Variants in DIAPH2 observed in about 807,000 individuals in gnomAD.
DIAPH2 encodes the protein diaphanous related formin 2.
In DIAPH2, 35 loss-of-function variants were observed where a neutral mutation model predicts 92.7. The observed-to-expected ratio is 0.38, with a 90% confidence interval of 0.29 to 0.50. The LOEUF is 0.50. Ranked by LOEUF, DIAPH2 falls within the 20% of genes least tolerant of loss-of-function variation. The pLI is 0.94. For missense variants in DIAPH2, 701 were observed against 819.5 expected, an observed-to-expected ratio of 0.86 and a Z score of 1.77; for synonymous variants, 301 against 280.4, an observed-to-expected ratio of 1.07 and a Z score of -0.73.
chrX:97,292,770 C>T (rs745367510), intron 23 of DIAPH2, among the ~76,000 whole-genome samples: 42 of 111,247 alleles, frequency 3.8e-4, no homozygotes, highest in African/African-American at 1.3e-3. Context: ...CACTCAAGAG[C>T]ATGTCTACTA....
In DIAPH2 at chrX:96,973,371, A is replaced by T. The variant is rs112980276; in HGVS notation, c.2050+8164A>T. 1.9e-3 allele frequency among the ~76,000 whole-genome samples: 205 copies of T among 110,810 alleles called. 4 individuals carry two copies. The highest frequency in any genetic ancestry group is 5.7e-4 in the Non-Finnish European group (30 of 52,972). ...AAATTAACTGGGTGTGGTGATATGC[A>T]CCTGGAGTCCCAGTTACTTGAGAGA... On this transcript the variant is annotated intron_variant, in intron 17 of 26. Coordinates refer to ENST00000324765, the MANE Select transcript of DIAPH2 (RefSeq NM_006729.5).
chrX:96,852,770 A>G (rs2065014081), intron 4 of DIAPH2, among the ~76,000 whole-genome samples: 1 of 112,053 alleles, frequency 8.9e-6, no homozygotes, highest in Non-Finnish European at 1.9e-5. Flanking sequence ...AATTTCTGAT[A>G]TAGCTTGTAA....
At chrX:97,360,323 A>G (rs758789807) in intron 24 of DIAPH2, among the ~76,000 whole-genome samples, 7 of 111,273 alleles carry the variant, frequency 6.3e-5, no homozygotes, top group Non-Finnish European at 1.1e-4. Flanking sequence ...AGCAGTAATT[A>G]ACAAAACAGT....
chrX:96,888,592 C>CAGATAT (rs1204947111), intron 5 of DIAPH2, among the ~76,000 whole-genome samples: 3 of 42,615 alleles, frequency 7.0e-5, no homozygotes, highest in South Asian at 1.5e-3. Flanking sequence ...TATATATATA[C>CAGATAT]AGATATATAT....
At chrX:96,837,296 G>T (rs2064901466) in intron 4 of DIAPH2, among the ~76,000 whole-genome samples, 1 of 110,406 alleles carries the variant, frequency 9.1e-6, no homozygotes, top group Admixed American at 9.7e-5. Flanking sequence ...GAGCTTCATG[G>T]ATGAATGAGT....
chrX:96,940,226 C>T (rs753728292), intron 12 of DIAPH2, among the ~76,000 whole-genome samples: 63 of 111,762 alleles, frequency 5.6e-4, no homozygotes, highest in African/African-American at 1.9e-3. Flanking sequence ...TATTTATCTA[C>T]TAATAAATGT....
chrX:96,937,242 G>A lies in DIAPH2; in HGVS notation c.1099G>A (p.Glu367Lys). The change falls in exon 11 of 27, where the codon GAA becomes AAA. Residue 367 changes from glutamate to lysine, a missense_variant. Around this residue, in one of 3 missense-constraint regions of DIAPH2, gnomAD observed 536 missense variants for 599.3 expected, o/e 0.89. Transcript: ENST00000324765. ...GLKTMLPDLKEKENDELDIQL... is the reference protein window; with the variant it reads ...GLKTMLPDLKKKENDELDIQL... ...TATGTTTATATATTAGGATCTAAAA[G>A]AAAAAGAGAATGATGAGCTTGATAT... The A allele has an allele frequency of 8.9e-7, 1 of 1,119,062 alleles. No homozygotes were observed. Among genetic ancestry groups the A allele is most frequent in the East Asian group, 3.1e-5 (1 of 32,763 alleles). 92.2% of individuals were successfully genotyped at this position (1,119,062 alleles called of 1,213,427 possible).
At chrX:97,321,494 G>T (rs1402826404) in intron 23 of DIAPH2, among the ~76,000 whole-genome samples, 1 of 106,378 alleles carries the variant, frequency 9.4e-6, no homozygotes, top group East Asian at 2.9e-4. Context: ...ACATATGCAT[G>T]TACGTTCACA....
intron 1 of DIAPH2, among the ~76,000 whole-genome samples, chrX:96,685,542 C>G (rs1211094364): frequency 8.9e-6 from 1 of 112,983 alleles, no homozygotes; most frequent in African/African-American, 3.2e-5. Flanking sequence ...CCTCCCACTT[C>G]TTGTTAGTTG....
At chrX:96,828,398 A>G (rs1266168874) in intron 4 of DIAPH2, among the ~76,000 whole-genome samples, 1 of 111,844 alleles carries the variant, frequency 8.9e-6, no homozygotes, top group African/African-American at 3.3e-5. Flanking sequence ...CTGGACAACA[A>G]TTTCTGTGTT....
intron 17 of DIAPH2, among the ~76,000 whole-genome samples, chrX:97,038,768 G>A (rs375703924): frequency 1.8e-5 from 2 of 109,956 alleles, no homozygotes; most frequent in African/African-American, 6.6e-5. Context: ...TTTAAAAAAT[G>A]CCTGTTCATG....
At chrX:97,265,226 T>C (rs1051164145) in intron 23 of DIAPH2, among the ~76,000 whole-genome samples, 3 of 110,132 alleles carry the variant, frequency 2.7e-5, no homozygotes, top group Non-Finnish European at 5.7e-5. Flanking sequence ...ACCAGAGGAG[T>C]GGTACTTTAG....
chrX:97,366,689 C>T (rs2147712135), intron 24 of DIAPH2, among the ~76,000 whole-genome samples: 1 of 111,244 alleles, frequency 9.0e-6, no homozygotes, highest in South Asian at 3.9e-4. Context: ...TCAAACATAC[C>T]TTCAAACATC....
At chrX:97,029,526 C>A (rs1171581530) in intron 17 of DIAPH2, among the ~76,000 whole-genome samples, 1 of 111,309 alleles carries the variant, frequency 9.0e-6, no homozygotes, top group Non-Finnish European at 1.9e-5. Context: ...AAAGTTTTAA[C>A]TTTTATTAAG....
chrX:97,314,211 C>T (rs1301425789), intron 23 of DIAPH2, among the ~76,000 whole-genome samples: 1 of 101,361 alleles, frequency 9.9e-6, no homozygotes, highest in African/African-American at 3.7e-5. Flanking sequence ...GATTTCAAGA[C>T]GAGCCTGGGA....
chrX:97,424,495 C>A (rs931135511), intron 25 of DIAPH2, among the ~76,000 whole-genome samples: 54 of 111,773 alleles, frequency 4.8e-4, no homozygotes, highest in African/African-American at 1.4e-3. Context: ...AAAAAGACTC[C>A]CAGTGGGAGG....
At chrX:97,529,309 G>C (rs898555148) in intron 26 of DIAPH2, among the ~76,000 whole-genome samples, 1 of 111,492 alleles carries the variant, frequency 9.0e-6, no homozygotes, top group Admixed American at 9.5e-5. Flanking sequence ...CTGTCAGTGG[G>C]GGACAAAAGA....
chrX:97,474,484 G>A (rs891953128), intron 26 of DIAPH2, among the ~76,000 whole-genome samples: 15 of 112,053 alleles, frequency 1.3e-4, no homozygotes, highest in African/African-American at 4.9e-4. Context: ...ACAGGGTAAG[G>A]CCAGGCATGG....
intron 26 of DIAPH2, among the ~76,000 whole-genome samples, chrX:97,521,840 C>T (rs1013521303): frequency 2.7e-5 from 3 of 112,064 alleles, no homozygotes; most frequent in Admixed American, 9.5e-5. Flanking sequence ...TGGACTAATA[C>T]AAATCTTAAT....
Sources: allele counts gnomAD v4.1 joint callset (sites outside exome capture counted in the v4.1 genomes callset), GRCh38; gene constraint gnomAD v4.1.1; regional missense constraint gnomAD v4.1.1; transcripts MANE v1.5; gene names NCBI Gene and HGNC (gene_info 2026-07-23, HGNC 2026-07-21).